The following ELOVL7 variants were observed in gnomAD, a reference collection of about 807,000 sequenced individuals.
ELOVL7 encodes the protein ELOVL fatty acid elongase 7.
ELOVL7 carries 27 observed loss-of-function variants against 35.7 expected under a neutral mutation model. The ratio of observed to expected loss-of-function variants is 0.76; its 90% confidence interval spans 0.56 to 1.04. The LOEUF is 1.04. Ranked by LOEUF, ELOVL7 falls within the 50% of genes least tolerant of loss-of-function variation. ELOVL7 has a pLI of 0.00. For synonymous variants in ELOVL7, 113 were observed against 114.6 expected (o/e 0.99, Z 0.09); for missense variants, 327 against 340.8 (o/e 0.96, Z 0.32).
chr5:60,834,210 C>T (rs1383104869), intron 1 of ELOVL7, among the ~76,000 whole-genome samples: 15 of 152,060 alleles, frequency 9.9e-5, no homozygotes, highest in East Asian at 7.8e-4. Context: ...GGCATGATCT[C>T]GGCTAACTGC....
chr5:60,828,706 G>T (rs1302234969), intron 1 of ELOVL7, among the ~76,000 whole-genome samples: 1 of 152,122 alleles, frequency 6.6e-6, no homozygotes, highest in Non-Finnish European at 1.5e-5. Flanking sequence ...TAAAATGACA[G>T]ATTGTTTACT....
intron 3 of ELOVL7, among the ~76,000 whole-genome samples, chr5:60,776,178 C>A (rs995955602): frequency 6.6e-6 from 1 of 152,100 alleles, no homozygotes; most frequent in African/African-American, 2.4e-5. Context: ...ACAGACACTT[C>A]ACAAAAGAAG....
intron 1 of ELOVL7, among the ~76,000 whole-genome samples, chr5:60,818,222 G>A (rs1745644717): frequency 1.3e-5 from 2 of 150,492 alleles, no homozygotes; most frequent in Non-Finnish European, 2.9e-5. Flanking sequence ...GGAGGCTGAG[G>A]CAGTAGAATT....
intron 1 of ELOVL7, among the ~76,000 whole-genome samples, chr5:60,830,106 T>G (rs1298039916): frequency 3.3e-5 from 5 of 152,158 alleles, no homozygotes; most frequent in Admixed American, 6.5e-5. Flanking sequence ...AGCTCAGGGC[T>G]CCTGAGACTC....
chr5:60,824,160 TG>T (rs1746037536), intron 1 of ELOVL7, among the ~76,000 whole-genome samples: 1 of 152,100 alleles, frequency 6.6e-6, no homozygotes, highest in Non-Finnish European at 1.5e-5. Flanking sequence ...CAGGTAAATA[TG>T]GAAGTAGGAT....
At chr5:60,765,657 G>A (rs574482213) in intron 6 of ELOVL7, among the ~76,000 whole-genome samples, 1 of 152,084 alleles carries the variant, frequency 6.6e-6, no homozygotes, top group Non-Finnish European at 1.5e-5. Context: ...GGGGGTGGGG[G>A]TCGAGGCAGC....
At chr5:60,838,115 A>G (rs1009436223) in intron 1 of ELOVL7, among the ~76,000 whole-genome samples, 2 of 152,176 alleles carry the variant, frequency 1.3e-5, no homozygotes, top group Non-Finnish European at 2.9e-5. Context: ...AGGATTCCCC[A>G]CTGACATTAT....
In ELOVL7 at chr5:60,754,580, A is replaced by G; in HGVS notation, c.*44T>C. 1 of 1,525,004 alleles carries G rather than the reference A, an allele frequency of 6.6e-7. No homozygotes were observed. The highest frequency in any genetic ancestry group is 9.1e-7 in the Non-Finnish European group (1 of 1,099,846). 94.5% of individuals were successfully genotyped at this position (1,525,004 alleles called of 1,614,324 possible). The stretch of plus-strand genomic sequence containing the variant: ...ATAGGTAAATATCTCTTGATTGTCA[A>G]GGAAGACAATGTATCAGTTTCGATC... On this transcript the variant is annotated 3_prime_UTR_variant, in exon 9 of 9. Coordinates refer to ENST00000508821, the MANE Select transcript of ELOVL7 (RefSeq NM_024930.3).
chr5:60,837,056 G>T (rs1053713080), intron 1 of ELOVL7, among the ~76,000 whole-genome samples: 6 of 151,634 alleles, frequency 4.0e-5, no homozygotes, highest in African/African-American at 1.5e-4. Flanking sequence ...CACCCTTTCT[G>T]CTTTTTTCAC....
chr5:60,799,372 A>G (rs1029337023), intron 1 of ELOVL7, 142 bp from the exon 2 acceptor site: 2 of 152,166 alleles, frequency 1.3e-5, no homozygotes, highest in African/African-American at 4.8e-5. Context: ...CTAGAAAAAC[A>G]ATAAAAAGAT....
intron 1 of ELOVL7, among the ~76,000 whole-genome samples, chr5:60,804,240 T>C (rs374078429): frequency 6.6e-6 from 1 of 152,232 alleles, no homozygotes; most frequent in Admixed American, 6.5e-5. Flanking sequence ...CGCTTATTTT[T>C]ACTCTTATTG....
chr5:60,843,548 A>C (rs2112426159), intron 1 of ELOVL7: 1 of 152,252 alleles, frequency 6.6e-6, no homozygotes, highest in Admixed American at 6.6e-5. Context: ...CGGGGAGCCG[A>C]AGGGACAGCG....
At chr5:60,808,749 A>G (rs1035904017) in intron 1 of ELOVL7, among the ~76,000 whole-genome samples, 1 of 151,898 alleles carries the variant, frequency 6.6e-6, no homozygotes. Flanking sequence ...AAATGGATAA[A>G]CAAACAGTGG....
At chr5:60,840,043 C>T (rs1014741448) in intron 1 of ELOVL7, among the ~76,000 whole-genome samples, 13 of 152,038 alleles carry the variant, frequency 8.6e-5, no homozygotes, top group Admixed American at 7.2e-4. Context: ...AACTGATAAG[C>T]ACAAGTGGCA....
chr5:60,770,030 GAC>G, intron 4 of ELOVL7, among the ~76,000 whole-genome samples: 1 of 148,016 alleles, frequency 6.8e-6, no homozygotes, highest in East Asian at 2.0e-4. Context: ...CAGCTTGGGT[GAC>G]AGAGCGAGAC....
intron 1 of ELOVL7, among the ~76,000 whole-genome samples, chr5:60,839,974 T>G (rs1435248013): frequency 6.6e-6 from 1 of 151,722 alleles, no homozygotes; most frequent in African/African-American, 2.4e-5. Flanking sequence ...CACTCCCGCC[T>G]GGGTGACAGA....
At chr5:60,829,500 A>C (rs1746360551) in intron 1 of ELOVL7, among the ~76,000 whole-genome samples, 1 of 152,226 alleles carries the variant, frequency 6.6e-6, no homozygotes, top group Non-Finnish European at 1.5e-5. Flanking sequence ...ATCTGTCTAT[A>C]TCATAAATCC....
At chr5:60,806,510 C>A (rs1303164235) in intron 1 of ELOVL7, among the ~76,000 whole-genome samples, 1 of 151,542 alleles carries the variant, frequency 6.6e-6, no homozygotes, top group Non-Finnish European at 1.5e-5. Flanking sequence ...TCAGGAAGAG[C>A]AGCTGAGACA....
intron 2 of ELOVL7, among the ~76,000 whole-genome samples, chr5:60,789,517 G>A (rs1041276070): frequency 5.3e-5 from 8 of 152,086 alleles, no homozygotes; most frequent in African/African-American, 1.9e-4. Flanking sequence ...CATTACTAGT[G>A]GAAGTACAAA....
Sources: allele counts gnomAD v4.1 joint callset (sites outside exome capture counted in the v4.1 genomes callset), GRCh38; gene constraint gnomAD v4.1.1; transcripts MANE v1.5; gene names NCBI Gene and HGNC (gene_info 2026-07-23, HGNC 2026-07-21).